Variants in TMC1 observed in about 807,000 individuals in gnomAD.
The protein encoded by TMC1 is transmembrane channel-like protein 1.
In TMC1, 84 loss-of-function variants were observed where a neutral mutation model predicts 105.8. The ratio of observed to expected loss-of-function variants is 0.79; its 90% CI spans 0.67 to 0.95. The LOEUF (loss-of-function observed/expected upper bound fraction) is 0.95. TMC1 is among the 40% of genes least tolerant of loss of function. TMC1 has a pLI of 0.00. For missense variants in TMC1, 817 were observed against 914.1 expected (o/e 0.89, Z 1.37); for synonymous variants, 315 against 311.5 (o/e 1.01, Z -0.12).
At chr9:72,566,587 A>G (rs979351200) in intron 1 of TMC1, among the ~76,000 whole-genome samples, 1 of 152,132 alleles carries the variant, frequency 6.6e-6, no homozygotes, top group Admixed American at 6.5e-5. Flanking sequence ...AGACCAAATA[A>G]TGCTGCGTTG....
chr9:72,740,039 A>G, intron 8 of TMC1, 80 bp from the exon 9 acceptor site: 1 of 1,108,600 alleles, frequency 9.0e-7, no homozygotes, highest in Non-Finnish European at 1.4e-6. Flanking sequence ...GACCTGGTAA[A>G]TTCAAATGTC....
At chr9:72,724,437 C>T (rs1796998) in intron 8 of TMC1, among the ~76,000 whole-genome samples, 34,662 of 151,986 alleles carry the variant, frequency 0.23, 4,291 homozygotes, top group East Asian at 0.38. Flanking sequence ...CCCTCATGGC[C>T]GAATTATCTC....
chr9:72,770,638 G>A (rs953543588), intron 12 of TMC1, among the ~76,000 whole-genome samples: 23 of 151,788 alleles, frequency 1.5e-4, no homozygotes, highest in Non-Finnish European at 1.5e-5. Flanking sequence ...AGATATAAAA[G>A]GAGATTCATT....
intron 1 of TMC1, among the ~76,000 whole-genome samples, chr9:72,551,225 CTGTAAGACAATACATTAG>C (rs917203367): frequency 1.3e-5 from 2 of 152,156 alleles, no homozygotes; most frequent in African/African-American, 4.8e-5. Flanking sequence ...CTTCCAAAAA[CTGTAAGACAATACATTAG>C]TGTTATTGTA....
At chr9:72,556,660 A>G (rs534835704) in intron 1 of TMC1, among the ~76,000 whole-genome samples, 2 of 151,744 alleles carry the variant, frequency 1.3e-5, no homozygotes, top group East Asian at 4.0e-4. Flanking sequence ...TTCTACTGAA[A>G]ATACAAAAAA....
intron 1 of TMC1, among the ~76,000 whole-genome samples, chr9:72,547,311 A>G (rs1179507865): frequency 6.6e-6 from 1 of 151,816 alleles, no homozygotes; most frequent in Non-Finnish European, 1.5e-5. Context: ...AAATGGTTAA[A>G]AAGATGAAAT....
chr9:72,527,107 G>C (rs1328302490), intron 1 of TMC1, among the ~76,000 whole-genome samples: 1 of 152,204 alleles, frequency 6.6e-6, no homozygotes, highest in Non-Finnish European at 1.5e-5. Flanking sequence ...TGAGGGGCGT[G>C]GCTGGAAGAA....
chr9:72,743,375 A>T (rs201556435), intron 10 of TMC1, among the ~76,000 whole-genome samples: 33,744 of 148,138 alleles, frequency 0.23, 4,909 homozygotes, highest in African/African-American at 0.41. Context: ...TCACAAAAAA[A>T]AAAAAATAAA....
chr9:72,617,015 T>G (rs1825143276), intron 3 of TMC1, among the ~76,000 whole-genome samples: 1 of 152,178 alleles, frequency 6.6e-6, no homozygotes, highest in Admixed American at 6.5e-5. Flanking sequence ...TATATTTCAT[T>G]TTGTATTATG....
rs1157833742 is a variant in TMC1 at position 72,838,285 on chromosome 9, A to T, written c.*2312A>T. 1 of 152,156 alleles carries T rather than the reference A, an allele frequency of 6.6e-6. No individual in the cohort carries two copies. 9.4% of individuals were successfully genotyped at this position (152,156 alleles called of 1,614,324 possible). On this transcript the variant is annotated 3_prime_UTR_variant, in exon 24 of 24. Transcript: ENST00000297784. ...AGATGAGTAAATAAAGCTAGTGTTT[A>T]TTTCTACTTGGATCATTTTTGCACT...
intron 1 of TMC1, among the ~76,000 whole-genome samples, chr9:72,530,983 G>A (rs1208108876): frequency 4.0e-5 from 6 of 150,790 alleles, no homozygotes; most frequent in Non-Finnish European, 8.8e-5. Flanking sequence ...ACCACGCCCA[G>A]CTAATTATTA....
Position 72,688,765 on chromosome 9 carries a change from T to C in TMC1, c.64+9T>C, listed in dbSNP as rs752499835. The C allele has an allele frequency of 2.6e-5, 42 of 1,607,484 alleles. No individual in the cohort carries two copies. Among genetic ancestry groups the C allele is most frequent in the Non-Finnish European group, 3.4e-5 (40 of 1,174,918 alleles). On this transcript the variant is annotated intron_variant, in intron 6 of 23. Transcript: ENST00000297784. ...GACTGAGGAAAGCTCAAGTAAGTGGTGATGGGCCACTTGGGATACATTTCC... is the reference window on the plus strand; with the variant it reads ...GACTGAGGAAAGCTCAAGTAAGTGGCGATGGGCCACTTGGGATACATTTCC...
chr9:72,713,153 A>G (rs1422078701), intron 8 of TMC1, among the ~76,000 whole-genome samples: 1 of 152,088 alleles, frequency 6.6e-6, no homozygotes, highest in Non-Finnish European at 1.5e-5. Context: ...AAGCTTTTTG[A>G]TATGCTACTG....
At chr9:72,600,202 T>G (rs768469038) in intron 2 of TMC1, among the ~76,000 whole-genome samples, 1 of 152,242 alleles carries the variant, frequency 6.6e-6, no homozygotes, top group Non-Finnish European at 1.5e-5. Flanking sequence ...AACAAAAATA[T>G]ACACTTTGGT....
intron 3 of TMC1, among the ~76,000 whole-genome samples, chr9:72,623,297 G>A (rs377037683): frequency 2.6e-5 from 4 of 151,860 alleles, no homozygotes; most frequent in South Asian, 2.1e-4. Flanking sequence ...CAGAGCTGTC[G>A]GTTTTCCTGG....
chr9:72,791,211 C>A (rs974315477), intron 15 of TMC1, among the ~76,000 whole-genome samples: 3 of 151,942 alleles, frequency 2.0e-5, no homozygotes, highest in Admixed American at 2.0e-4. Context: ...CCCCTCTCCC[C>A]ACCCCTGCAT....
intron 13 of TMC1, among the ~76,000 whole-genome samples, chr9:72,785,608 C>T (rs1461746978): frequency 6.6e-6 from 1 of 152,142 alleles, no homozygotes; most frequent in African/African-American, 2.4e-5. Context: ...CATTGCCTTA[C>T]TGTAATAGTA....
At chr9:72,650,903 A>ATATATATATATATATAT (rs1825801321) in intron 5 of TMC1, among the ~76,000 whole-genome samples, 1 of 126,740 alleles carries the variant, frequency 7.9e-6, no homozygotes, top group Non-Finnish European at 1.7e-5. Flanking sequence ...TATATATATA[A>ATATATATATATATATAT]ATATATATAG....
intron 8 of TMC1, among the ~76,000 whole-genome samples, chr9:72,706,843 C>T (rs192487063): frequency 1.3e-3 from 188 of 150,010 alleles, no homozygotes; most frequent in African/African-American, 4.3e-3. Context: ...GGCGTGATCT[C>T]GGCTCACTGC....
Sources: gnomAD v4.1 joint callset for allele counts (sites outside exome capture counted in the v4.1 genomes callset) on GRCh38, gnomAD v4.1.1 for gene constraint, MANE v1.5 for transcripts, NCBI Gene and HGNC (gene_info 2026-07-23, HGNC 2026-07-21) for gene names.